The following MTHFD2L variants were observed in gnomAD, a reference collection of about 807,000 sequenced individuals.
The protein encoded by MTHFD2L is bifunctional methylenetetrahydrofolate dehydrogenase/cyclohydrolase 2, mitochondrial.
MTHFD2L carries 29 observed loss-of-function variants against 34.9 expected under a neutral mutation model. The ratio of observed to expected loss-of-function variants is 0.83; its 90% CI spans 0.62 to 1.13. MTHFD2L has a LOEUF of 1.13. Among genes scored for constraint, MTHFD2L ranks in the 50% most tolerant of loss-of-function variants. The pLI, the probability that MTHFD2L is intolerant of heterozygous loss-of-function variation, is 0.00. For synonymous variants in MTHFD2L, 167 were observed against 155.7 expected (o/e 1.07, Z -0.54); for missense variants, 481 against 446.5 (o/e 1.08, Z -0.70).
upstream of MTHFD2L, among the ~76,000 whole-genome samples, chr4:74,120,515 C>T (rs1022176702): frequency 5.3e-5 from 8 of 152,190 alleles, no homozygotes; most frequent in African/African-American, 7.2e-5. Context: ...GGACCGACTG[C>T]CATGACTGGA....
chr4:74,167,150 C>A (rs1726895200), intron 1 of MTHFD2L, among the ~76,000 whole-genome samples: 1 of 152,224 alleles, frequency 6.6e-6, no homozygotes, highest in Non-Finnish European at 1.5e-5. Context: ...CCGGATTAGC[C>A]CCCTGTGAGT....
intron 1 of MTHFD2L, among the ~76,000 whole-genome samples, chr4:74,171,601 G>A (rs1419511447): frequency 2.6e-5 from 4 of 152,046 alleles, no homozygotes; most frequent in East Asian, 1.9e-4. Flanking sequence ...CCAGGAGTTC[G>A]AGACCAGCCT....
chr4:74,139,565 T>A (rs1334095602), intron 1 of MTHFD2L, among the ~76,000 whole-genome samples: 1 of 152,002 alleles, frequency 6.6e-6, no homozygotes, highest in Admixed American at 6.5e-5. Flanking sequence ...TTCCCATGAG[T>A]TGGGGGAAAT....
Position 74,302,299 on chromosome 4 carries a change from G to A in MTHFD2L, c.*490G>A, listed in dbSNP as rs1750417117. On this transcript the variant is annotated 3_prime_UTR_variant, in exon 8 of 8. Transcript: ENST00000325278. ...AAAATATTGAAATATTGAAAATATTGAAAATATTATTATTGAAAATAAAAT... is the reference window on the plus strand; with the variant it reads ...AAAATATTGAAATATTGAAAATATTAAAAATATTATTATTGAAAATAAAAT... 6.6e-6 allele frequency: 1 copy of A among 151,930 alleles called. No individual in the cohort carries two copies. Among genetic ancestry groups the A allele is most frequent in the African/African-American group, 2.4e-5 (1 of 41,392 alleles). The allele number at this position is 151,930 out of a possible 1,614,324, so 9.4% of individuals were successfully genotyped here.
rs1018285566 is a variant in MTHFD2L, at chr4:74,197,617, G to C, written c.452-2177G>C. Among the ~76,000 whole-genome samples, 10 of 152,000 alleles carry C rather than the reference G, an allele frequency of 6.6e-5. No individual in the cohort carries two copies. The East Asian group carries it at 9.6e-4, about 15-fold the overall frequency. On this transcript the variant is annotated intron_variant, in intron 3 of 7. Transcript: ENST00000325278. Reference sequence around the variant, plus strand: ...ATTATGACTTCTGTATGATACAAAAGGAAAAACTGATCTTAGAACAAAAAG... The same window carrying C: ...ATTATGACTTCTGTATGATACAAAACGAAAAACTGATCTTAGAACAAAAAG...
intron 6 of MTHFD2L, among the ~76,000 whole-genome samples, chr4:74,247,911 T>C (rs1009463934): frequency 1.3e-5 from 2 of 152,204 alleles, no homozygotes; most frequent in East Asian, 1.9e-4. Context: ...TTTGCATCAA[T>C]GTTCATCAAG....
intron 6 of MTHFD2L, among the ~76,000 whole-genome samples, chr4:74,255,185 AT>A (rs1407652416): frequency 1.3e-5 from 2 of 150,720 alleles, no homozygotes; most frequent in Admixed American, 1.3e-4. Flanking sequence ...GGTATACAGT[AT>A]AAAAAAATGT....
chr4:74,188,371 G>A (rs916749383), intron 3 of MTHFD2L, among the ~76,000 whole-genome samples: 2 of 152,248 alleles, frequency 1.3e-5, no homozygotes, highest in African/African-American at 4.8e-5. Context: ...CTCACATGAT[G>A]AAGAAAGCAA....
intron 1 of MTHFD2L, among the ~76,000 whole-genome samples, chr4:74,146,175 G>T (rs1178293878): frequency 6.6e-6 from 1 of 152,060 alleles, no homozygotes; most frequent in East Asian, 1.9e-4. Context: ...CATTAAATTG[G>T]CTAAAATTTA....
intron 6 of MTHFD2L, among the ~76,000 whole-genome samples, chr4:74,242,780 T>G (rs1227383556): frequency 6.6e-6 from 1 of 152,214 alleles, no homozygotes; most frequent in Non-Finnish European, 1.5e-5. Context: ...TAGCTGTTGC[T>G]CAGGAATTTA....
chr4:74,122,082 C>CT (rs965336972), upstream of MTHFD2L, among the ~76,000 whole-genome samples: 163 of 149,848 alleles, frequency 1.1e-3, no homozygotes, highest in African/African-American at 3.4e-3. Context: ...TTCAGCAATT[C>CT]TTTTTTTTTT....
chr4:74,244,529 A>T (rs1023387921), intron 6 of MTHFD2L, among the ~76,000 whole-genome samples: 1 of 152,134 alleles, frequency 6.6e-6, no homozygotes, highest in Non-Finnish European at 1.5e-5. Context: ...TTTTTTTCTC[A>T]TGAGATCAAT....
intron 6 of MTHFD2L, among the ~76,000 whole-genome samples, chr4:74,242,506 G>T (rs969467164): frequency 1.3e-5 from 2 of 152,016 alleles, no homozygotes; most frequent in African/African-American, 2.4e-5. Flanking sequence ...GGTCAGTAAG[G>T]TTATTATTTC....
intron 6 of MTHFD2L, among the ~76,000 whole-genome samples, chr4:74,272,414 A>T (rs1361812746): frequency 6.6e-6 from 1 of 152,212 alleles, no homozygotes; most frequent in Non-Finnish European, 1.5e-5. Flanking sequence ...TTTTAACATT[A>T]TAAGAAATTT....
intron 6 of MTHFD2L, chr4:74,280,118 A>G (rs1017723624): frequency 2.6e-5 from 4 of 152,148 alleles, no homozygotes; most frequent in African/African-American, 9.7e-5. Context: ...GTCCACTAGA[A>G]GCATTGTGAT....
chr4:74,177,639 C>T (rs1729296034), intron 3 of MTHFD2L, among the ~76,000 whole-genome samples: 2 of 151,904 alleles, frequency 1.3e-5, no homozygotes, highest in South Asian at 4.1e-4. Flanking sequence ...AACCCTTGCT[C>T]ACTGCTGTTT....
At chr4:74,180,245 A>G (rs550263607) in intron 3 of MTHFD2L, among the ~76,000 whole-genome samples, 26 of 152,226 alleles carry the variant, frequency 1.7e-4, no homozygotes, top group African/African-American at 5.8e-4. Context: ...TACAGAATAA[A>G]TGGAGCTCAT....
intron 6 of MTHFD2L, among the ~76,000 whole-genome samples, chr4:74,279,870 A>G (rs892664071): frequency 6.6e-6 from 1 of 152,106 alleles, no homozygotes; most frequent in Admixed American, 6.6e-5. Flanking sequence ...CTTCTGTTAC[A>G]TCATTATGAG....
At chr4:74,227,429 G>C (rs1020698732) in intron 6 of MTHFD2L, among the ~76,000 whole-genome samples, 1 of 150,838 alleles carries the variant, frequency 6.6e-6, no homozygotes, top group African/African-American at 2.5e-5. Flanking sequence ...GGTGGATTCT[G>C]TTTCCCATGG....
Sources: gnomAD v4.1 joint callset for allele counts (sites outside exome capture counted in the v4.1 genomes callset) on GRCh38, gnomAD v4.1.1 for gene constraint, MANE v1.5 for transcripts, NCBI Gene and HGNC (gene_info 2026-07-23, HGNC 2026-07-21) for gene names.